The following AKAP13 variants were observed in gnomAD, a reference collection of about 807,000 sequenced individuals.
AKAP13 encodes A-kinase anchoring protein 13.
A neutral mutation model predicts 264.5 loss-of-function variants in AKAP13; 80 were observed. The observed-to-expected ratio is 0.30, with a 90% CI of 0.25 to 0.36. The LOEUF (loss-of-function observed/expected upper bound fraction) is 0.36, where lower values mean the gene tolerates loss of function less well. Ranked by LOEUF, AKAP13 falls within the 10% of genes least tolerant of loss-of-function variation. The pLI is 1.00. For synonymous variants in AKAP13, 1,380 were observed against 1,250.2 expected, an observed-to-expected ratio of 1.10 and a Z score of -2.19; for missense variants, 3,712 against 3,435.2, an observed-to-expected ratio of 1.08 and a Z score of -2.01.
intron 14 of AKAP13, among the ~76,000 whole-genome samples, chr15:85,674,109 T>C (rs1488261215): frequency 1.3e-5 from 2 of 152,026 alleles, no homozygotes; most frequent in African/African-American, 2.4e-5. Context: ...GTGGTGATAA[T>C]GTTGAAAGGG....
chr15:85,526,058 A>G (rs1213619618), intron 3 of AKAP13, among the ~76,000 whole-genome samples: 2 of 152,176 alleles, frequency 1.3e-5, no homozygotes, highest in Non-Finnish European at 2.9e-5. Flanking sequence ...ATTGACTCCA[A>G]ATTTGACTCA....
chr15:85,384,505 T>G (rs892584290), intron 1 of AKAP13, among the ~76,000 whole-genome samples: 9 of 151,960 alleles, frequency 5.9e-5, no homozygotes, highest in African/African-American at 2.2e-4. Context: ...TCACTTGAGG[T>G]CAGGAGTTCA....
At chr15:85,417,093 C>T (rs968344618) in intron 1 of AKAP13, among the ~76,000 whole-genome samples, 1 of 152,076 alleles carries the variant, frequency 6.6e-6, no homozygotes, top group Non-Finnish European at 1.5e-5. Flanking sequence ...CATTGTTTCC[C>T]TTAAAAGCTT....
chr15:85,570,442 ACT>A (rs769171332), intron 5 of AKAP13, among the ~76,000 whole-genome samples: 1 of 152,262 alleles, frequency 6.6e-6, no homozygotes, highest in East Asian at 1.9e-4. Context: ...ACAGAACGAG[ACT>A]CTGTCTCAAA....
chr15:85,534,434 G>A (rs1446491489), intron 4 of AKAP13: 1 of 152,424 alleles, frequency 6.6e-6, no homozygotes, highest in Non-Finnish European at 1.5e-5. Context: ...CTTTTTGTTT[G>A]TTTTTTGTTT....
intron 1 of AKAP13, among the ~76,000 whole-genome samples, chr15:85,427,056 C>T (rs146250374): frequency 0.013 from 1,987 of 149,674 alleles, 50 homozygotes; most frequent in African/African-American, 0.047. Context: ...CCTGGGTTCA[C>T]GCCATTCTCC....
In AKAP13 at chr15:85,655,506, C is replaced by T. The variant is rs1230790064; in HGVS notation, c.4464C>T (p.Gly1488=). 9 of 1,614,082 alleles carry T rather than the reference C, an allele frequency of 5.6e-6. No homozygotes were observed. Among genetic ancestry groups the T allele is most frequent in the Non-Finnish European group, 7.6e-6 (9 of 1,180,032 alleles). The change falls in exon 11 of 37, where the codon GGC becomes GGT. Residue 1488 remains glycine, a synonymous_variant. Transcript: ENST00000394518. ...CACTGGACCGACATTCTTCTCATGGCAGTGATGTGTCTCTCTCCCAGATTT... is the reference window on the plus strand; with the variant it reads ...CACTGGACCGACATTCTTCTCATGGTAGTGATGTGTCTCTCTCCCAGATTT... ...TASLDRHSSH[G]SDVSLSQILK... is the part of the protein sequence containing the mutation.
At chr15:85,510,974 T>C (rs1281593689) in intron 2 of AKAP13, among the ~76,000 whole-genome samples, 1 of 152,112 alleles carries the variant, frequency 6.6e-6, no homozygotes, top group Non-Finnish European at 1.5e-5. Flanking sequence ...CTTGGGTCCA[T>C]AGGGCCATTT....
Position 85,746,965 on chromosome 15 carries a change from G to A in AKAP13, c.*2288G>A, listed in dbSNP as rs910595720. 6.6e-6 allele frequency: 1 copy of A among 152,224 alleles called. No individual in the cohort carries two copies. The highest frequency in any genetic ancestry group is 1.5e-5 in the Non-Finnish European group (1 of 68,050). 9.4% of individuals were successfully genotyped at this position (152,224 alleles called of 1,614,324 possible). A position where few individuals can be genotyped will look rare whatever the true frequency, so the allele number is the denominator to read the frequency against. ...GTTAGAGCACGTCGCCACAGAGCTT[G>A]ACATCAATGTTAGAGGGTCTCTTAC... On this transcript the variant is annotated 3_prime_UTR_variant, in exon 37 of 37. Transcript: ENST00000394518.
intron 5 of AKAP13, among the ~76,000 whole-genome samples, chr15:85,563,603 G>A (rs1284383708): frequency 6.6e-6 from 1 of 152,054 alleles, no homozygotes; most frequent in Non-Finnish European, 1.5e-5. Context: ...TGTGGGCACC[G>A]CATGAACTGT....
rs1180412357 is a variant in AKAP13, at chr15:85,579,387, G to T, written c.1319G>T (p.Ser440Ile). Residue 440 changes from serine (S) to isoleucine (I), a missense_variant, in exon 7 of 37, where the codon AGC (serine) becomes ATC (isoleucine). By Grantham distance (142) the Ser-to-Ile change is moderately radical. Transcript: ENST00000394518. The stretch of plus-strand genomic sequence containing the variant: ...ATGCCCACAGACCAGGAGTCCCTGA[G>T]CAGTGGAGATGCTGTGCTTCAGAGA... ...SGMPTDQESL[S>I]SGDAVLQRDL... 1.9e-6 allele frequency: 3 copies of T among 1,614,150 alleles called. No homozygotes were observed. The Admixed American group carries it at 5.0e-5, about 27-fold the overall frequency.
At position 85,625,008 on chromosome 15, in the gene AKAP13, A is replaced by G. The variant is rs4842894; in HGVS notation, c.4162-14366A>G. On this transcript the variant is annotated intron_variant, in intron 8 of 36. Transcript: ENST00000394518. ...TGTTGAATACCTGCGGTGTCCATGA[A>G]CTGGTTGTCATGGAGATAATATGGA... is the stretch of plus-strand genomic sequence containing the variant. Among the ~76,000 whole-genome samples, 546 of 152,310 alleles carry G rather than the reference A, an allele frequency of 3.6e-3. 11 individuals carry two copies. The highest frequency in any genetic ancestry group is 0.032 in the Admixed American group (490 of 15,302).
At chr15:85,685,553 T>A (rs2084862427) in intron 16 of AKAP13, 1 of 152,046 alleles carries the variant, frequency 6.6e-6, no homozygotes, top group Non-Finnish European at 1.5e-5. Flanking sequence ...GGCGTGACCA[T>A]AGCTCACTGC....
intron 1 of AKAP13, among the ~76,000 whole-genome samples, chr15:85,452,896 G>A (rs1481780888): frequency 1.3e-5 from 2 of 152,170 alleles, no homozygotes; most frequent in Non-Finnish European, 2.9e-5. Context: ...GGCTGCAGAG[G>A]GAGAGATCTT....
At chr15:85,555,394 G>A (rs1023288693) in intron 5 of AKAP13, 12 of 1,282,024 alleles carry the variant, frequency 9.4e-6, no homozygotes, top group Non-Finnish European at 1.2e-5. Context: ...TTTAGGAGGG[G>A]TAACCAGGCT....
chr15:85,731,754 C>A (rs1271888970), intron 30 of AKAP13, among the ~76,000 whole-genome samples: 1 of 152,036 alleles, frequency 6.6e-6, no homozygotes, highest in African/African-American at 2.4e-5. Context: ...CTGAAAGTGA[C>A]CCATAGTTTT....
At chr15:85,682,007 T>G in intron 14 of AKAP13, 151 bp from the exon 15 acceptor site, 1 of 684,764 alleles carries the variant, frequency 1.5e-6, no homozygotes, top group East Asian at 2.8e-5. Flanking sequence ...TAATTTTTCC[T>G]TCTTTCAAAC....
At chr15:85,571,610 C>T (rs2078820605) in intron 5 of AKAP13, among the ~76,000 whole-genome samples, 1 of 152,200 alleles carries the variant, frequency 6.6e-6, no homozygotes, top group Non-Finnish European at 1.5e-5. Flanking sequence ...AAATTGCAAC[C>T]TTCATTCCTG....
chr15:85,492,337 A>G lies in AKAP13; in HGVS notation c.33+6584A>G, dbSNP rs146605262. Reference sequence around the variant, plus strand: ...TTCAAGCCTGCAGTGAGCTATGAACATACCACTGCACTATAGCCTGGGCTA... The same window carrying G: ...TTCAAGCCTGCAGTGAGCTATGAACGTACCACTGCACTATAGCCTGGGCTA... On this transcript the variant is annotated intron_variant, in intron 2 of 36. Coordinates refer to ENST00000394518, the MANE Select transcript of AKAP13 (RefSeq NM_007200.5). Among the ~76,000 whole-genome samples the G allele has an allele frequency of 1.1e-3, 166 of 152,360 alleles. 1 individual carries two copies. The highest frequency in any genetic ancestry group is 3.9e-3 in the African/African-American group (162 of 41,584).
Sources: gnomAD v4.1 joint callset for allele counts (sites outside exome capture counted in the v4.1 genomes callset) on GRCh38, gnomAD v4.1.1 for gene constraint, MANE v1.5 for transcripts, NCBI Gene and HGNC (gene_info 2026-07-23, HGNC 2026-07-21) for gene names.